The following CHCHD6 variants were observed in gnomAD, a reference collection of about 807,000 sequenced individuals.
The protein encoded by CHCHD6 is MICOS complex subunit MIC25.
In CHCHD6, 28 loss-of-function variants were observed where a neutral mutation model predicts 32.3. That is an observed-to-expected ratio of 0.87 (90% CI 0.64 to 1.19). The LOEUF (loss-of-function observed/expected upper bound fraction) is 1.19. Ranked by LOEUF, CHCHD6 falls within the 50% of genes most tolerant of loss-of-function variation. The probability of loss-of-function intolerance (pLI) is 0.00; values close to 1 mark genes in which losing one functional copy is unlikely to be tolerated. For missense variants in CHCHD6, 333 were observed against 307.0 expected, an observed-to-expected ratio of 1.08 and a Z score of -0.63; for synonymous variants, 122 against 117.5, an observed-to-expected ratio of 1.04 and a Z score of -0.25.
intron 6 of CHCHD6, among the ~76,000 whole-genome samples, chr3:126,938,277 A>C (rs1454088177): frequency 6.6e-6 from 1 of 152,190 alleles, no homozygotes; most frequent in African/African-American, 2.4e-5. Context: ...CGACAGCTGG[A>C]GGGAACAACA....
At chr3:126,812,962 T>G (rs1939728079) in intron 4 of CHCHD6, among the ~76,000 whole-genome samples, 1 of 152,196 alleles carries the variant, frequency 6.6e-6, no homozygotes, top group Admixed American at 6.5e-5. Context: ...GTGTATATAA[T>G]TCTTGCCTTA....
At chr3:126,882,312 G>A (rs2077621535) in intron 5 of CHCHD6, among the ~76,000 whole-genome samples, 2 of 152,154 alleles carry the variant, frequency 1.3e-5, no homozygotes, top group African/African-American at 2.4e-5. Flanking sequence ...CTCTGTTCAC[G>A]CATGGAGATG....
chr3:126,771,291 G>A (rs1350449616), intron 4 of CHCHD6, among the ~76,000 whole-genome samples: 6 of 148,184 alleles, frequency 4.0e-5, no homozygotes, highest in Non-Finnish European at 8.9e-5. Flanking sequence ...TGCAACCTCC[G>A]CCTCCCAGGT....
chr3:126,752,739 C>T (rs144270799), intron 4 of CHCHD6, among the ~76,000 whole-genome samples: 474 of 152,300 alleles, frequency 3.1e-3, no homozygotes, highest in African/African-American at 0.011. Context: ...CCCTTTAGCG[C>T]GGCTTGCTGA....
intron 4 of CHCHD6, among the ~76,000 whole-genome samples, chr3:126,773,514 T>C (rs1158326300): frequency 6.6e-6 from 1 of 152,224 alleles, no homozygotes; most frequent in East Asian, 1.9e-4. Context: ...AGTGGCCTTT[T>C]TCTTTATTCA....
At chr3:126,734,687 T>G (rs1234881763) in intron 4 of CHCHD6, among the ~76,000 whole-genome samples, 1 of 152,106 alleles carries the variant, frequency 6.6e-6, no homozygotes, top group Non-Finnish European at 1.5e-5. Flanking sequence ...AAGAAAAGAT[T>G]TGGAAATGCA....
intron 1 of CHCHD6, among the ~76,000 whole-genome samples, chr3:126,711,999 C>T (rs546967274): frequency 1.3e-5 from 2 of 152,238 alleles, no homozygotes; most frequent in African/African-American, 4.8e-5. Flanking sequence ...CATTAGAAAA[C>T]AAGGTAAAGC....
At chr3:126,775,806 C>A (rs990260343) in intron 4 of CHCHD6, among the ~76,000 whole-genome samples, 1 of 152,192 alleles carries the variant, frequency 6.6e-6, no homozygotes, top group Admixed American at 6.5e-5. Context: ...CTCAAATCAG[C>A]GGCTGCTCCA....
chr3:126,732,094 A>G (rs1935833160), intron 3 of CHCHD6, among the ~76,000 whole-genome samples: 1 of 151,794 alleles, frequency 6.6e-6, no homozygotes, highest in East Asian at 1.9e-4. Context: ...AAAAAAAAAA[A>G]AAAAGAGGAA....
chr3:126,761,613 G>A (rs371262289), intron 4 of CHCHD6, among the ~76,000 whole-genome samples: 1 of 151,982 alleles, frequency 6.6e-6, no homozygotes, highest in Non-Finnish European at 1.5e-5. Context: ...TTTTAATAGG[G>A]ACAGGGTCTT....
At chr3:126,879,764 A>G (rs2077584755) in intron 5 of CHCHD6, among the ~76,000 whole-genome samples, 1 of 152,228 alleles carries the variant, frequency 6.6e-6, no homozygotes, top group African/African-American at 2.4e-5. Flanking sequence ...GTTGTTTTAT[A>G]AAGACAAAAT....
intron 5 of CHCHD6, among the ~76,000 whole-genome samples, chr3:126,884,279 C>T (rs1293188260): frequency 4.6e-5 from 7 of 152,044 alleles, no homozygotes; most frequent in African/African-American, 1.7e-4. Context: ...GATTAGGCAG[C>T]GTCCTGCAAA....
chr3:126,871,429 T>C (rs750109787), intron 5 of CHCHD6, among the ~76,000 whole-genome samples: 101 of 152,082 alleles, frequency 6.6e-4, no homozygotes, highest in Non-Finnish European at 1.0e-3. Context: ...GAAAACTTCC[T>C]CCACAGCCCC....
chr3:126,878,399 A>G (rs73205626), intron 5 of CHCHD6, among the ~76,000 whole-genome samples: 14,291 of 152,324 alleles, frequency 0.094, 860 homozygotes, highest in Middle Eastern at 0.22. Context: ...TATGAAAAAG[A>G]AGGAAGTGTT....
chr3:126,900,906 G>T (rs1010625754), intron 5 of CHCHD6, among the ~76,000 whole-genome samples: 3 of 152,036 alleles, frequency 2.0e-5, no homozygotes, highest in Admixed American at 6.5e-5. Context: ...GCCTGGCCAG[G>T]TGTGACACAC....
chr3:126,913,654 C>T (rs1176614800), intron 5 of CHCHD6, among the ~76,000 whole-genome samples: 1 of 152,238 alleles, frequency 6.6e-6, no homozygotes, highest in African/African-American at 2.4e-5. Context: ...ATTTCTGAAA[C>T]TGCTTCCTCA....
chr3:126,823,168 C>T (rs556254685), intron 4 of CHCHD6, among the ~76,000 whole-genome samples: 15 of 152,318 alleles, frequency 9.8e-5, no homozygotes, highest in African/African-American at 2.9e-4. Flanking sequence ...CCTCCCACCT[C>T]GGCCTCACAA....
intron 5 of CHCHD6, among the ~76,000 whole-genome samples, chr3:126,889,210 G>A (rs1159397640): frequency 6.6e-6 from 1 of 152,176 alleles, no homozygotes; most frequent in African/African-American, 2.4e-5. Context: ...GACGTGGAGA[G>A]AAGGGCCCAG....
At chr3:126,842,527 G>A (rs1941133503) in intron 4 of CHCHD6, among the ~76,000 whole-genome samples, 1 of 152,190 alleles carries the variant, frequency 6.6e-6, no homozygotes, top group Non-Finnish European at 1.5e-5. Context: ...TCAGGAATCT[G>A]TCTTCGTAGT....
Sources: gnomAD v4.1 joint callset for allele counts (sites outside exome capture counted in the v4.1 genomes callset) on GRCh38, gnomAD v4.1.1 for gene constraint, MANE v1.5 for transcripts, NCBI Gene and HGNC (gene_info 2026-07-23, HGNC 2026-07-21) for gene names.